Variants in NRG1 observed in about 807,000 individuals in gnomAD.
The protein encoded by NRG1 is neuregulin 1.
In NRG1, 18 loss-of-function variants were observed where a neutral mutation model predicts 63.8. That is an observed-to-expected ratio of 0.28 (90% confidence interval 0.19 to 0.42). The LOEUF (loss-of-function observed/expected upper bound fraction) is 0.42, where lower values mean the gene tolerates loss of function less well. NRG1 is among the 10% of genes least tolerant of loss of function. The probability of loss-of-function intolerance (pLI) is 1.00; values close to 1 mark genes in which losing one functional copy is unlikely to be tolerated. For missense variants in NRG1, 762 were observed against 814.7 expected, an observed-to-expected ratio of 0.94 and a Z score of 0.79; for synonymous variants, 302 against 301.3, an observed-to-expected ratio of 1.00 and a Z score of -0.02.
At chr8:32,618,151 A>G (rs527918738) in intron 5 of NRG1, among the ~76,000 whole-genome samples, 2 of 152,076 alleles carry the variant, frequency 1.3e-5, no homozygotes, top group South Asian at 2.1e-4. Context: ...TAAAAAGATT[A>G]GTATAATTAT....
chr8:32,094,231 C>T (rs1191847909), intron 1 of NRG1, among the ~76,000 whole-genome samples: 5 of 152,134 alleles, frequency 3.3e-5, no homozygotes, highest in East Asian at 1.9e-4. Context: ...GCATTGCTTA[C>T]GTAGCCCCTG....
intron 1 of NRG1, among the ~76,000 whole-genome samples, chr8:31,683,396 G>A (rs1428963368): frequency 6.6e-6 from 1 of 152,058 alleles, no homozygotes; most frequent in African/African-American, 2.4e-5. Flanking sequence ...ATCACGTCAT[G>A]AAAAGACACA....
chr8:32,502,590 T>C (rs1320999392), intron 1 of NRG1, among the ~76,000 whole-genome samples: 1 of 151,072 alleles, frequency 6.6e-6, no homozygotes, highest in African/African-American at 2.4e-5. Context: ...CTATATCAAC[T>C]CACATTTTTG....
chr8:31,696,856 GGT>G (rs1407706378), intron 1 of NRG1, among the ~76,000 whole-genome samples: 2 of 152,004 alleles, frequency 1.3e-5, no homozygotes, highest in African/African-American at 4.8e-5. Flanking sequence ...AGTGTGCATA[GGT>G]GTGTGTGTGT....
Position 31,654,492 on chromosome 8 carries a change from G to A in NRG1, c.37+15061G>A, listed in dbSNP as rs1307870603. 3.9e-5 allele frequency among the ~76,000 whole-genome samples: 6 copies of A among 152,344 alleles called. No homozygotes were observed. In the East Asian group the frequency reaches 9.6e-4, roughly 24 times the overall value. ...TGTAAAGAATCATGATACGTGTAAT[G>A]TGCCTTTCGGTGTCATCTTTGCCAT... On this transcript the variant is annotated intron_variant, in intron 1 of 10. Coordinates refer to the NRG1 transcript ENST00000519301.
At chr8:32,425,568 G>T (rs1449206668) in intron 1 of NRG1, among the ~76,000 whole-genome samples, 1 of 152,118 alleles carries the variant, frequency 6.6e-6, no homozygotes, top group Admixed American at 6.6e-5. Context: ...TATATCTGTG[G>T]CTGCTTTCAT....
intron 1 of NRG1, among the ~76,000 whole-genome samples, chr8:31,927,249 G>C (rs879721570): frequency 6.6e-6 from 1 of 151,978 alleles, no homozygotes; most frequent in Non-Finnish European, 1.5e-5. Flanking sequence ...ATTTAGAGGG[G>C]TGGTTCCCAA....
intron 1 of NRG1, among the ~76,000 whole-genome samples, chr8:32,179,959 C>T (rs543519635): frequency 1.7e-4 from 26 of 152,188 alleles, no homozygotes; most frequent in African/African-American, 5.3e-4. Context: ...ATACAAACCC[C>T]GCACAAATCA....
intron 1 of NRG1, among the ~76,000 whole-genome samples, chr8:32,574,322 C>T (rs990442002): frequency 6.6e-6 from 1 of 152,128 alleles, no homozygotes; most frequent in African/African-American, 2.4e-5. Context: ...TCTCTCATTT[C>T]ATCAGGTCTT....
Position 31,640,094 on chromosome 8 carries a change from T to A in NRG1, c.37+663T>A, listed in dbSNP as rs1449730249. On this transcript the variant is annotated intron_variant, in intron 1 of 10. Coordinates refer to the NRG1 transcript ENST00000519301. The surrounding 1 kb of genome is among the most constrained non-coding windows in gnomAD (Gnocchi z 6.3). Reference sequence around the variant, plus strand: ...CCGCTGCCGCTGCTGCCACTACTGCTGCTGCTGGGGACCGCGGCCCTGGCG... The same window carrying A: ...CCGCTGCCGCTGCTGCCACTACTGCAGCTGCTGGGGACCGCGGCCCTGGCG... The A allele has an allele frequency of 7.0e-6, 8 of 1,141,238 alleles. No homozygotes were observed. The highest frequency in any genetic ancestry group is 7.5e-6 in the Non-Finnish European group (7 of 931,606). 70.7% of individuals were successfully genotyped at this position (1,141,238 alleles called of 1,614,324 possible).
intron 1 of NRG1, among the ~76,000 whole-genome samples, chr8:32,518,250 A>G (rs868787209): frequency 1.3e-5 from 2 of 152,296 alleles, no homozygotes; most frequent in South Asian, 2.1e-4. Flanking sequence ...AATGTCACCT[A>G]TTGCTATGAT....
At chr8:32,167,955 G>T (rs1839575989) in intron 1 of NRG1, among the ~76,000 whole-genome samples, 2 of 152,076 alleles carry the variant, frequency 1.3e-5, no homozygotes, top group South Asian at 2.1e-4. Flanking sequence ...CCTCCCTCTG[G>T]AGATCCAAAT....
At chr8:32,304,996 C>T (rs141456648) in intron 1 of NRG1, among the ~76,000 whole-genome samples, 1 of 151,872 alleles carries the variant, frequency 6.6e-6, no homozygotes, top group South Asian at 2.1e-4. Context: ...GCCTGGGCGA[C>T]AGAGAGAGAC....
chr8:31,662,396 A>T (rs1405765040), intron 1 of NRG1, among the ~76,000 whole-genome samples: 1 of 152,248 alleles, frequency 6.6e-6, no homozygotes, highest in Non-Finnish European at 1.5e-5. Flanking sequence ...GGACTGTGAA[A>T]AAGCTGTTAT....
At chr8:32,625,830 C>T (rs529428261) in intron 5 of NRG1, among the ~76,000 whole-genome samples, 3 of 145,720 alleles carry the variant, frequency 2.1e-5, no homozygotes, top group East Asian at 4.1e-4. Context: ...AGTCTAGCTC[C>T]GTCGTCAGGC....
chr8:31,765,803 T>C (rs1201064614), intron 1 of NRG1, among the ~76,000 whole-genome samples: 1 of 152,210 alleles, frequency 6.6e-6, no homozygotes, highest in East Asian at 1.9e-4. Flanking sequence ...GCCAGGATTT[T>C]ACTCCTGGCT....
intron 1 of NRG1, among the ~76,000 whole-genome samples, chr8:31,944,101 T>C (rs901897134): frequency 2.0e-5 from 3 of 152,200 alleles, no homozygotes; most frequent in Non-Finnish European, 4.4e-5. Context: ...TAGAATGACA[T>C]TTACTTTTTC....
At chr8:32,319,236 G>A (rs1323561663) in intron 1 of NRG1, among the ~76,000 whole-genome samples, 1 of 152,172 alleles carries the variant, frequency 6.6e-6, no homozygotes, top group East Asian at 1.9e-4. Context: ...ATTTGCAGGG[G>A]TGTTGATGGA....
At chr8:32,458,997 A>G (rs1821962349) in intron 1 of NRG1, among the ~76,000 whole-genome samples, 1 of 152,096 alleles carries the variant, frequency 6.6e-6, no homozygotes, top group African/African-American at 2.4e-5. Flanking sequence ...CATTTATTAC[A>G]TTCACTCAAA....
Sources: gnomAD v4.1 joint callset for allele counts (sites outside exome capture counted in the v4.1 genomes callset) on GRCh38, gnomAD v4.1.1 for gene constraint, Gnocchi (gnomAD v3.1) non-coding constraint, MANE v1.5 for transcripts, NCBI Gene and HGNC (gene_info 2026-07-23, HGNC 2026-07-21) for gene names.